The following EPM2A variants were observed in gnomAD, a reference collection of about 807,000 sequenced individuals.
The protein encoded by EPM2A is EPM2A glucan phosphatase, laforin.
Under a neutral mutation model 26.5 loss-of-function variants are expected in EPM2A, and 21 were observed. The observed-to-expected ratio is 0.79, with a 90% CI of 0.56 to 1.14. The LOEUF is 1.14. EPM2A is among the 50% of genes most tolerant of loss of function. The pLI is 0.00. For synonymous variants in EPM2A, 217 were observed against 177.6 expected (o/e 1.22, Z -1.76); for missense variants, 458 against 440.8 (o/e 1.04, Z -0.35).
intron 3 of EPM2A, chr6:145,630,844 T>C (rs1053377500): frequency 2.6e-5 from 4 of 152,346 alleles, no homozygotes; most frequent in Middle Eastern, 3.4e-3. Flanking sequence ...GTCAGCACTG[T>C]TGTGATCTTC....
At chr6:145,635,084 C>G in intron 3 of EPM2A, 161 bp downstream of exon 3, 1 of 757,998 alleles carries the variant, frequency 1.3e-6, no homozygotes, top group Non-Finnish European at 2.1e-6. Flanking sequence ...AGAATCTTAG[C>G]CACAGTGTCA....
chr6:145,457,752 G>A (rs1779280212), intron 4 of EPM2A, among the ~76,000 whole-genome samples: 1 of 152,052 alleles, frequency 6.6e-6, no homozygotes, highest in Non-Finnish European at 1.5e-5. Context: ...TGCCAGATAT[G>A]GGCTCATTTT....
At chr6:145,710,064 C>T (rs554320969) in intron 1 of EPM2A, among the ~76,000 whole-genome samples, 1 of 152,214 alleles carries the variant, frequency 6.6e-6, no homozygotes, top group Non-Finnish European at 1.5e-5. Context: ...TGGGCAAGGA[C>T]TTCATGTCTA....
intron 4 of EPM2A, among the ~76,000 whole-genome samples, chr6:145,455,979 T>C (rs1779257748): frequency 6.6e-6 from 1 of 152,210 alleles, no homozygotes; most frequent in African/African-American, 2.4e-5. Flanking sequence ...TTTCCCAAGA[T>C]ACCCCTTGGA....
At chr6:145,728,421 C>A (rs1043002638) in intron 1 of EPM2A, among the ~76,000 whole-genome samples, 3 of 152,158 alleles carry the variant, frequency 2.0e-5, no homozygotes, top group African/African-American at 7.2e-5. Flanking sequence ...GAAGTCCAGG[C>A]TGAGGTGGTC....
chr6:145,432,864 C>T (rs993047369), intron 4 of EPM2A, among the ~76,000 whole-genome samples: 55 of 152,176 alleles, frequency 3.6e-4, no homozygotes, highest in Non-Finnish European at 5.9e-5. Flanking sequence ...AAACTTGCTG[C>T]AGCTTATAAT....
chr6:145,648,983 T>C (rs1194668170), intron 2 of EPM2A, among the ~76,000 whole-genome samples: 1 of 152,226 alleles, frequency 6.6e-6, no homozygotes, highest in African/African-American at 2.4e-5. Context: ...AAAGGATTCA[T>C]TTAAGCATTT....
intron 2 of EPM2A, among the ~76,000 whole-genome samples, chr6:145,558,731 T>C (rs1780765962): frequency 6.7e-6 from 1 of 149,514 alleles, no homozygotes; most frequent in African/African-American, 2.6e-5. Context: ...TTGATCAGAA[T>C]TTAGACTTTA....
At chr6:145,578,867 A>G (rs187817382) in intron 2 of EPM2A, among the ~76,000 whole-genome samples, 1 of 152,148 alleles carries the variant, frequency 6.6e-6, no homozygotes, top group African/African-American at 2.4e-5. Flanking sequence ...GCAGGAGAAG[A>G]AGGGCGTCTC....
At chr6:145,617,586 TTAC>T (rs1346557010) in intron 2 of EPM2A, among the ~76,000 whole-genome samples, 2 of 152,334 alleles carry the variant, frequency 1.3e-5, no homozygotes, top group East Asian at 3.9e-4. Flanking sequence ...ATTCATTGAC[TTAC>T]AGGAAACTAA....
intron 4 of EPM2A, among the ~76,000 whole-genome samples, chr6:145,468,161 G>T (rs1582778583): frequency 6.6e-6 from 1 of 151,994 alleles, no homozygotes; most frequent in Non-Finnish European, 1.5e-5. Flanking sequence ...CTGACTATAT[G>T]ATAGCCTTTC....
intron 4 of EPM2A, among the ~76,000 whole-genome samples, chr6:145,444,279 T>G (rs1779103893): frequency 6.6e-6 from 1 of 152,238 alleles, no homozygotes; most frequent in Non-Finnish European, 1.5e-5. Flanking sequence ...GTTCCTTTAA[T>G]ACCTAGTTTA....
chr6:145,411,180 G>A (rs536525951), intron 4 of EPM2A, among the ~76,000 whole-genome samples: 1 of 152,244 alleles, frequency 6.6e-6, no homozygotes, highest in South Asian at 2.1e-4. Context: ...TGAAACAGAG[G>A]TCAAAAGGAC....
chr6:145,690,759 T>C (rs1293314747), intron 1 of EPM2A, among the ~76,000 whole-genome samples: 1 of 151,852 alleles, frequency 6.6e-6, no homozygotes, highest in Non-Finnish European at 1.5e-5. Flanking sequence ...TTCAAACAAA[T>C]GAAGAATCGG....
At chr6:145,496,101 TTTTC>T (rs1254813947) in intron 4 of EPM2A, among the ~76,000 whole-genome samples, 2 of 152,240 alleles carry the variant, frequency 1.3e-5, no homozygotes, top group Admixed American at 6.5e-5. Flanking sequence ...TTGGTACTTC[TTTTC>T]TTTAAGAATG....
chr6:145,409,063 A>G (rs908695138), intron 4 of EPM2A, among the ~76,000 whole-genome samples: 13 of 152,230 alleles, frequency 8.5e-5, no homozygotes, highest in Non-Finnish European at 1.6e-4. Flanking sequence ...GGAAATTAGA[A>G]GTGTTTATAT....
At chr6:145,422,272 A>G (rs1001140755) in intron 4 of EPM2A, among the ~76,000 whole-genome samples, 6 of 147,238 alleles carry the variant, frequency 4.1e-5, no homozygotes, top group Non-Finnish European at 9.0e-5. Context: ...ATATAATTAT[A>G]GATTTGTATA....
At chr6:145,588,012 T>C (rs896448755) in intron 2 of EPM2A, among the ~76,000 whole-genome samples, 17 of 152,184 alleles carry the variant, frequency 1.1e-4, no homozygotes, top group Admixed American at 1.0e-3. Context: ...TTCAATTATC[T>C]TTCATTCTTT....
intron 2 of EPM2A, among the ~76,000 whole-genome samples, chr6:145,524,896 T>C (rs1052099270): frequency 6.6e-6 from 1 of 152,106 alleles, no homozygotes; most frequent in East Asian, 1.9e-4. Flanking sequence ...ATTCTTACAA[T>C]TTGAGGTCTT....
Sources: allele counts gnomAD v4.1 joint callset (sites outside exome capture counted in the v4.1 genomes callset), GRCh38; gene constraint gnomAD v4.1.1; transcripts MANE v1.5; gene names NCBI Gene and HGNC (gene_info 2026-07-23, HGNC 2026-07-21).